THSD7A: variants seen among roughly 807,000 people sequenced by gnomAD.
THSD7A encodes the protein thrombospondin type-1 domain-containing protein 7A.
THSD7A carries 96 observed loss-of-function variants against 231.3 expected under a neutral mutation model. That is an observed-to-expected ratio of 0.41 (90% CI 0.35 to 0.49). The LOEUF (loss-of-function observed/expected upper bound fraction) is 0.49. THSD7A is among the 20% of genes least tolerant of loss of function. THSD7A has a pLI of 0.05. For missense variants in THSD7A, 2,290 were observed against 2,070.2 expected, an observed-to-expected ratio of 1.11 and a Z score of -2.06; for synonymous variants, 940 against 743.3, an observed-to-expected ratio of 1.26 and a Z score of -4.30.
chr7:11,649,070 T>C (rs763172877), intron 1 of THSD7A, among the ~76,000 whole-genome samples: 15 of 152,048 alleles, frequency 9.9e-5, no homozygotes, highest in Non-Finnish European at 5.9e-5. Flanking sequence ...TGCCAAAATA[T>C]TTGTGTATAA....
intron 1 of THSD7A, among the ~76,000 whole-genome samples, chr7:11,818,253 T>C (rs1368314453): frequency 6.6e-6 from 1 of 152,232 alleles, no homozygotes; most frequent in African/African-American, 2.4e-5. Context: ...GAAAGCCCTG[T>C]ATTGGCCACA....
chr7:11,619,185 C>G (rs1009539139), intron 2 of THSD7A, among the ~76,000 whole-genome samples: 3 of 151,936 alleles, frequency 2.0e-5, no homozygotes, highest in African/African-American at 7.2e-5. Flanking sequence ...CTAAAATACA[C>G]TGGATTTTCA....
intron 2 of THSD7A, among the ~76,000 whole-genome samples, chr7:11,613,562 C>T (rs1044046440): frequency 3.9e-5 from 6 of 152,168 alleles, no homozygotes; most frequent in African/African-American, 1.4e-4. Context: ...TTTCTACAGT[C>T]ATTTCAGTGT....
intron 1 of THSD7A, among the ~76,000 whole-genome samples, chr7:11,748,769 A>G (rs1782399277): frequency 1.3e-5 from 2 of 152,020 alleles, no homozygotes; most frequent in Admixed American, 6.6e-5. Context: ...ATTTTCTTAT[A>G]AAATGAAATA....
At chr7:11,647,478 T>C (rs1007515977) in intron 1 of THSD7A, among the ~76,000 whole-genome samples, 2 of 152,128 alleles carry the variant, frequency 1.3e-5, no homozygotes, top group Non-Finnish European at 2.9e-5. Context: ...CTTAAGCCTC[T>C]AATAGGCAAT....
intron 6 of THSD7A, among the ~76,000 whole-genome samples, chr7:11,512,941 T>TTATATATATATATATATATATATATATA (rs1562673180): frequency 2.3e-5 from 1 of 43,434 alleles, no homozygotes; most frequent in Admixed American, 1.6e-4. Flanking sequence ...AAAGAAACTA[T>TTATATATATATATATATATATATATATA]GATATATATA....
chr7:11,584,291 T>G (rs1033972566), intron 4 of THSD7A, among the ~76,000 whole-genome samples: 1 of 152,122 alleles, frequency 6.6e-6, no homozygotes, highest in African/African-American at 2.4e-5. Flanking sequence ...TTATTAATAA[T>G]TGATTATATT....
At chr7:11,798,012 T>C (rs1583299452) in intron 1 of THSD7A, among the ~76,000 whole-genome samples, 1 of 152,088 alleles carries the variant, frequency 6.6e-6, no homozygotes, top group African/African-American at 2.4e-5. Context: ...AATATAGACA[T>C]TGTGAGCAAC....
intron 1 of THSD7A, among the ~76,000 whole-genome samples, chr7:11,687,739 A>C (rs1354634907): frequency 6.6e-6 from 1 of 151,922 alleles, no homozygotes; most frequent in Non-Finnish European, 1.5e-5. Flanking sequence ...ATAGTTGGTC[A>C]TGCAGGCCAG....
intron 1 of THSD7A, among the ~76,000 whole-genome samples, chr7:11,692,874 G>A (rs1412462897): frequency 6.6e-6 from 1 of 151,406 alleles, no homozygotes; most frequent in East Asian, 2.0e-4. Context: ...AATTCTTCAG[G>A]AGAAGATTCT....
chr7:11,503,754 G>A (rs1787433247), intron 6 of THSD7A, among the ~76,000 whole-genome samples: 1 of 152,114 alleles, frequency 6.6e-6, no homozygotes, highest in Admixed American at 6.6e-5. Context: ...CAAAGCCACA[G>A]CGAGGTACCA....
At chr7:11,786,566 C>G (rs1266243172) in intron 1 of THSD7A, among the ~76,000 whole-genome samples, 1 of 151,870 alleles carries the variant, frequency 6.6e-6, no homozygotes, top group African/African-American at 2.4e-5. Flanking sequence ...AGAAAAAGCA[C>G]TTGAGACTTT....
At chr7:11,393,863 A>G (rs1348044036) in intron 23 of THSD7A, among the ~76,000 whole-genome samples, 1 of 152,134 alleles carries the variant, frequency 6.6e-6, no homozygotes, top group East Asian at 1.9e-4. Flanking sequence ...ATATGGGACT[A>G]TGTGAAAAGA....
At chr7:11,589,408 T>C (rs1481934780) in intron 4 of THSD7A, among the ~76,000 whole-genome samples, 1 of 152,200 alleles carries the variant, frequency 6.6e-6, no homozygotes, top group Non-Finnish European at 1.5e-5. Flanking sequence ...ACTCTTGCCA[T>C]GCTTCCCTGC....
intron 6 of THSD7A, among the ~76,000 whole-genome samples, chr7:11,523,192 G>A (rs1222098286): frequency 6.6e-6 from 1 of 151,998 alleles, no homozygotes; most frequent in Non-Finnish European, 1.5e-5. Context: ...ATATAAAAAC[G>A]ATTCAACAGC....
intron 16 of THSD7A, 27 bp from the exon 17 acceptor site, chr7:11,417,630 G>C (rs764675413): frequency 5.7e-6 from 9 of 1,590,322 alleles, no homozygotes; most frequent in Non-Finnish European, 7.7e-6. Context: ...ACATATTCTA[G>C]AAAATATACA....
At chr7:11,458,388 T>C (rs781708739) in intron 11 of THSD7A, among the ~76,000 whole-genome samples, 1 of 152,064 alleles carries the variant, frequency 6.6e-6, no homozygotes, top group Non-Finnish European at 1.5e-5. Flanking sequence ...AAATATAAGC[T>C]GTACGAAAAA....
intron 7 of THSD7A, among the ~76,000 whole-genome samples, chr7:11,479,142 T>G (rs527478316): frequency 2.6e-5 from 4 of 152,280 alleles, no homozygotes; most frequent in African/African-American, 9.6e-5. Context: ...GTAGCTAAAT[T>G]TCCATGAGGA....
chr7:11,725,897 T>G (rs1781528934), intron 1 of THSD7A, among the ~76,000 whole-genome samples: 1 of 152,012 alleles, frequency 6.6e-6, no homozygotes. Context: ...ACTAATATTG[T>G]TGCAACATAA....
Sources: gnomAD v4.1 joint callset for allele counts (sites outside exome capture counted in the v4.1 genomes callset) on GRCh38, gnomAD v4.1.1 for gene constraint, MANE v1.5 for transcripts, NCBI Gene and HGNC (gene_info 2026-07-23, HGNC 2026-07-21) for gene names.